The following TIAM2 variants were observed in gnomAD, a reference collection of about 807,000 sequenced individuals.
The protein encoded by TIAM2 is rho guanine nucleotide exchange factor TIAM2.
Under a neutral mutation model 152.9 loss-of-function variants are expected in TIAM2, and 80 were observed. That is an observed-to-expected ratio of 0.52 (90% CI 0.44 to 0.63). The LOEUF is 0.63. Among genes scored for constraint, TIAM2 ranks in the 30% least tolerant of loss-of-function variants. TIAM2 has a pLI of 0.00. For missense variants in TIAM2, 1,965 were observed against 2,120.1 expected, an observed-to-expected ratio of 0.93 and a Z score of 1.44; for synonymous variants, 804 against 838.0, an observed-to-expected ratio of 0.96 and a Z score of 0.70.
At position 155,213,831 on chromosome 6, in the gene TIAM2, G is replaced by A. The variant is rs566953540; in HGVS notation, c.3168+2524G>A. Among the ~76,000 whole-genome samples the A allele has an allele frequency of 7.2e-5, 11 of 152,352 alleles. No homozygotes were observed. In the South Asian group the frequency reaches 8.3e-4, roughly 11 times the overall value. On this transcript the variant is annotated intron_variant, in intron 15 of 26. Coordinates refer to ENST00000682666, the MANE Select transcript of TIAM2 (RefSeq NM_012454.4). The surrounding 1 kb of genome is among the most constrained non-coding windows in gnomAD (Gnocchi z 4.2). The stretch of plus-strand genomic sequence containing the variant: ...CTGGCATGTCAGCGCTGCCCTGAAC[G>A]TGTCCACACATGGCTGGGTTGCAGC...
rs144615617 is a variant in TIAM2, at chr6:155,035,950, C to T, written c.-209+40458C>T. Among the ~76,000 whole-genome samples the T allele has an allele frequency of 4.1e-3, 626 of 152,224 alleles. 4 individuals carry two copies. The highest frequency in any genetic ancestry group is 0.014 in the African/African-American group (590 of 41,542). ...CGTATAATTTTTAATTTTCCCTGGA[C>T]TTGGAGCTTGTGTTTAATGCTTCAT... On this transcript the variant is annotated intron_variant, in intron 1 of 26. Coordinates refer to ENST00000682666, the MANE Select transcript of TIAM2 (RefSeq NM_012454.4).
intron 1 of TIAM2, among the ~76,000 whole-genome samples, chr6:155,053,466 CTTTT>C (rs11401916): frequency 1.6e-5 from 2 of 127,312 alleles, no homozygotes; most frequent in African/African-American, 5.9e-5. Flanking sequence ...ATTCTTGCAG[CTTTT>C]TTTTTTTTTT....
Position 155,129,846 on chromosome 6 carries a change from C to T in TIAM2, c.623C>T (p.Thr208Ile). The part of the protein sequence containing the change: ...LRYSPTLASE[T>I]SPVPEARRGS... Reference sequence around the variant, plus strand: ...TACTCACCTACCTTAGCATCGGAAACCTCCCCTGTGCCTGAAGCCAGGAGG... The same window carrying T: ...TACTCACCTACCTTAGCATCGGAAATCTCCCCTGTGCCTGAAGCCAGGAGG... Residue 208 changes from threonine to isoleucine, a missense_variant, in exon 4 of 27, where the codon ACC becomes ATC. Thr to Ile is a moderately conservative substitution (Grantham distance 89). Transcript: ENST00000682666. This position sits in a 1 kb window ranked among gnomAD's most constrained non-coding sequence, Gnocchi z 4.8. 2 of 1,613,694 alleles carry T rather than the reference C, an allele frequency of 1.2e-6. No homozygotes were observed. The highest frequency in any genetic ancestry group is 1.7e-6 in the Non-Finnish European group (2 of 1,180,032).
At chr6:155,209,269 G>A (rs181713271) in intron 14 of TIAM2, among the ~76,000 whole-genome samples, 71 of 152,120 alleles carry the variant, frequency 4.7e-4, no homozygotes, top group African/African-American at 1.6e-3. Flanking sequence ...TCCTAGCACC[G>A]TGCCTGGAAA....
chr6:155,017,652 T>C (rs927556215), intron 1 of TIAM2, among the ~76,000 whole-genome samples: 4 of 151,940 alleles, frequency 2.6e-5, no homozygotes, highest in South Asian at 2.1e-4. Context: ...TACAGGCACC[T>C]GCCACCACGC....
chr6:155,063,626 A>G (rs1237538582), intron 1 of TIAM2, among the ~76,000 whole-genome samples: 2 of 152,086 alleles, frequency 1.3e-5, no homozygotes, highest in Non-Finnish European at 2.9e-5. Flanking sequence ...TACTAAAAAT[A>G]CAAAAATTAG....
chr6:154,999,633 G>A (rs949156934), intron 1 of TIAM2, among the ~76,000 whole-genome samples: 6 of 152,236 alleles, frequency 3.9e-5, no homozygotes, highest in African/African-American at 1.4e-4. Context: ...CTTTGCTTCT[G>A]CAGACCATAA....
At chr6:155,100,154 T>C (rs563222154) in intron 2 of TIAM2, among the ~76,000 whole-genome samples, 103 of 152,340 alleles carry the variant, frequency 6.8e-4, no homozygotes, top group Non-Finnish European at 1.2e-3. Context: ...GTCTTTTGAC[T>C]GCGTATGATC....
chr6:155,209,856 CT>C, intron 14 of TIAM2, among the ~76,000 whole-genome samples: 1 of 152,314 alleles, frequency 6.6e-6, no homozygotes, highest in African/African-American at 2.4e-5. Context: ...TACTGGCATT[CT>C]TGTCTCCCAG....
intron 2 of TIAM2, among the ~76,000 whole-genome samples, chr6:155,109,639 C>CT (rs1334251332): frequency 6.6e-6 from 1 of 152,150 alleles, no homozygotes; most frequent in Non-Finnish European, 1.5e-5. Flanking sequence ...ATATTGAACA[C>CT]TCATTTTTCA....
At chr6:155,241,720 G>A (rs1241804591) in intron 16 of TIAM2, among the ~76,000 whole-genome samples, 1 of 152,186 alleles carries the variant, frequency 6.6e-6, no homozygotes, top group African/African-American at 2.4e-5. Flanking sequence ...AGTTAGGAGA[G>A]ATGACAGTTT....
chr6:155,031,124 T>G lies in TIAM2; in HGVS notation c.-209+35632T>G, dbSNP rs531314960. Among the ~76,000 whole-genome samples the G allele has an allele frequency of 2.2e-3, 342 of 152,316 alleles. 2 individuals are homozygous for G. Among genetic ancestry groups the G allele is most frequent in the African/African-American group, 8.0e-3 (333 of 41,572 alleles). On this transcript the variant is annotated intron_variant, in intron 1 of 26. Transcript: ENST00000682666. ...GTCTTATTTAACCCTTTGACAGTATTCTGAAAATTCCAATGTGAACATGCA... is the reference window on the plus strand; with the variant it reads ...GTCTTATTTAACCCTTTGACAGTATGCTGAAAATTCCAATGTGAACATGCA...
In TIAM2 at chr6:155,129,181, G is replaced by C; in HGVS notation, c.-6-37G>C. On this transcript the variant is annotated intron_variant, in intron 3 of 26. Transcript: ENST00000682666. The surrounding 1 kb of genome is among the most constrained non-coding windows in gnomAD (Gnocchi z 4.8). ...TTCTGTCATAATGGAATGTAATTTA[G>C]GCCACGGTCTTACTGATGCAACTGT... 6.4e-7 allele frequency: 1 copy of C among 1,574,610 alleles called. No individual in the cohort carries two copies. The highest frequency in any genetic ancestry group is 1.7e-4 in the Middle Eastern group (1 of 5,892).
At chr6:155,165,636 C>T (rs775759384) in intron 9 of TIAM2, among the ~76,000 whole-genome samples, 2 of 152,016 alleles carry the variant, frequency 1.3e-5, no homozygotes, top group Non-Finnish European at 2.9e-5. Context: ...CCCATCTCTA[C>T]AAATAGCCGA....
chr6:155,028,685 C>T (rs909436126), intron 1 of TIAM2, among the ~76,000 whole-genome samples: 24 of 124,322 alleles, frequency 1.9e-4, no homozygotes, highest in Non-Finnish European at 6.3e-5. Flanking sequence ...ATATATACTA[C>T]ATATAATATA....
chr6:155,126,358 C>T (rs1779296204), intron 2 of TIAM2, among the ~76,000 whole-genome samples: 1 of 152,158 alleles, frequency 6.6e-6, no homozygotes, highest in African/African-American at 2.4e-5. Flanking sequence ...TTCTGTTCTG[C>T]AAGATGGAAA....
intron 5 of TIAM2, among the ~76,000 whole-genome samples, chr6:155,139,057 C>T (rs985463175): frequency 6.6e-6 from 1 of 152,224 alleles, no homozygotes; most frequent in Non-Finnish European, 1.5e-5. Flanking sequence ...GACTCTTTGT[C>T]AGAGGAGCTG....
intron 14 of TIAM2, among the ~76,000 whole-genome samples, chr6:155,185,495 T>G (rs1781022532): frequency 1.5e-3 from 1 of 684 alleles, no homozygotes; most frequent in African/African-American, 8.3e-3. Flanking sequence ...GCCACTTTTA[T>G]TTATTTATTT....
intron 7 of TIAM2, among the ~76,000 whole-genome samples, chr6:155,152,134 C>T (rs908836720): frequency 2.6e-5 from 4 of 152,112 alleles, no homozygotes; most frequent in Non-Finnish European, 4.4e-5. Context: ...TAAGCCACCA[C>T]GGCTAATCTC....
Sources: allele counts gnomAD v4.1 joint callset (sites outside exome capture counted in the v4.1 genomes callset), GRCh38; gene constraint gnomAD v4.1.1; non-coding constraint Gnocchi (gnomAD v3.1); transcripts MANE v1.5; gene names NCBI Gene and HGNC (gene_info 2026-07-23, HGNC 2026-07-21).